The following LRRC9 variants were observed in gnomAD, a reference collection of about 807,000 sequenced individuals.
LRRC9 encodes the protein leucine-rich repeat-containing protein 9.
A neutral mutation model predicts 63.2 loss-of-function variants in LRRC9; 122 were observed. The ratio of observed to expected loss-of-function variants is 1.93; its 90% CI spans 1.67 to 2.24. The LOEUF (loss-of-function observed/expected upper bound fraction) is 2.24. LRRC9 is among the 30% of genes most tolerant of loss of function. LRRC9 has a pLI of 0.00. For synonymous variants in LRRC9, 366 were observed against 213.1 expected (o/e 1.72, Z -6.25); for missense variants, 1,071 against 627.7 (o/e 1.71, Z -7.55).
intron 20 of LRRC9, 39 bp downstream of exon 20, chr14:60,002,139 T>C: frequency 1.5e-6 from 1 of 668,970 alleles, no homozygotes; most frequent in East Asian, 2.7e-5. Context: ...TAAAGCTTAA[T>C]TTAAATCTAT....
At chr14:60,034,849 TTAGATACA>T (rs1425719874) in intron 29 of LRRC9, among the ~76,000 whole-genome samples, 2 of 152,198 alleles carry the variant, frequency 1.3e-5, no homozygotes, top group Non-Finnish European at 2.9e-5. Context: ...TTCCTTCCTT[TTAGATACA>T]TACCCAGTAG....
chr14:59,928,329 T>C (rs1346286582), exon 3 of LRRC9: 2 of 674,958 alleles, frequency 3.0e-6, no homozygotes. Context: ...ACATCAAAGT[T>C]GGAGATGTTT....
At chr14:59,965,409 T>A (rs1884728529) in intron 10 of LRRC9, among the ~76,000 whole-genome samples, 1 of 152,168 alleles carries the variant, frequency 6.6e-6, no homozygotes, top group South Asian at 2.1e-4. Context: ...TGGCTTTACT[T>A]GTTTAGGCTT....
intron 8 of LRRC9, among the ~76,000 whole-genome samples, chr14:59,946,761 G>C (rs1882468154): frequency 6.8e-6 from 1 of 147,400 alleles, no homozygotes; most frequent in Non-Finnish European, 1.5e-5. Flanking sequence ...GCGGTGTTTG[G>C]TTTTTTCTTC....
Position 60,003,791 on chromosome 14 carries a change from G to A in LRRC9, c.2835G>A (p.Lys945=), listed in dbSNP as rs1225223427. 1.6e-6 allele frequency: 1 copy of A among 607,796 alleles called. No individual in the cohort carries two copies. Among genetic ancestry groups the A allele is most frequent in the Admixed American group, 3.0e-5 (1 of 32,908 alleles). The allele number at this position is 607,796 out of a possible 1,614,324, so 37.7% of individuals were successfully genotyped here. A position where few individuals can be genotyped will look rare whatever the true frequency, so the allele number is the denominator to read the frequency against. The change falls in exon 21 of 32, where the codon AAG becomes AAA. Residue 945 remains lysine (K), a synonymous_variant. Coordinates refer to ENST00000445360, the Ensembl canonical transcript of LRRC9. This position sits in a 1 kb window ranked among gnomAD's most constrained non-coding sequence, Gnocchi z 4.2. ...CATTAGATGGAAACTGCATCTCAAA[G>A]ATAGAAGGTAAGGTACTTAAGAACT... is the stretch of plus-strand genomic sequence containing the variant.
chr14:59,978,110 T>C (rs1886510559), exon 15 of LRRC9: 1 of 702,156 alleles, frequency 1.4e-6, no homozygotes, highest in African/African-American at 1.7e-5. Context: ...GAATATGTTG[T>C]TGAATTTGAG....
chr14:59,977,337 A>G lies in LRRC9; in HGVS notation c.1752A>G (p.Lys584=), dbSNP rs1365639487. 4 of 688,122 alleles carry G rather than the reference A, an allele frequency of 5.8e-6. No homozygotes were observed. In the East Asian group the frequency reaches 1.1e-4, roughly 19 times the overall value. The allele number at this position is 688,122 out of a possible 1,614,324, so 42.6% of individuals were successfully genotyped here. A position where few individuals can be genotyped will look rare whatever the true frequency, so the allele number is the denominator to read the frequency against. ...TTAATTCAGTGTTCATTCCTCGGAAATATTTACTAAGTATGTCTATCATAA... is the reference window on the plus strand; with the variant it reads ...TTAATTCAGTGTTCATTCCTCGGAAGTATTTACTAAGTATGTCTATCATAA... The change falls in exon 14 of 32, where the codon AAA becomes AAG. Residue 584 remains lysine, a synonymous_variant. Transcript: ENST00000445360.
exon 23 of LRRC9, chr14:60,008,124 T>C: frequency 2.9e-6 from 2 of 701,488 alleles, no homozygotes; most frequent in Non-Finnish European, 5.2e-6. Context: ...TAGACATGTG[T>C]GGGAACATCA....
chr14:60,002,079 G>A, exon 20 of LRRC9: 1 of 699,822 alleles, frequency 1.4e-6, no homozygotes. Context: ...ATTTACATCT[G>A]AGTGGAAACT....
intron 12 of LRRC9, among the ~76,000 whole-genome samples, chr14:59,971,437 T>C (rs901002665): frequency 6.6e-6 from 1 of 152,152 alleles, no homozygotes; most frequent in South Asian, 2.1e-4. Flanking sequence ...CCATTTGAGT[T>C]GTAAAATAGT....
At chr14:60,009,658 A>C (rs955857582) in intron 23 of LRRC9, among the ~76,000 whole-genome samples, 2 of 152,192 alleles carry the variant, frequency 1.3e-5, no homozygotes, top group Admixed American at 6.5e-5. Flanking sequence ...AACTCAGTTC[A>C]GCATTAGTTC....
chr14:60,015,506 T>C (rs1217798306), intron 23 of LRRC9, among the ~76,000 whole-genome samples: 1 of 152,182 alleles, frequency 6.6e-6, no homozygotes, highest in Non-Finnish European at 1.5e-5. Context: ...TTGGCTTCTG[T>C]TGACAACCTG....
In LRRC9 at chr14:59,998,737, A is replaced by C. The variant is rs781540335; in HGVS notation, c.2404-364A>C. Among the ~76,000 whole-genome samples the C allele has an allele frequency of 6.6e-4, 101 of 152,074 alleles. 2 individuals are homozygous for C. Among genetic ancestry groups the C allele is most frequent in the Non-Finnish European group, 1.5e-4 (10 of 67,932 alleles). ...ACAGTACAGCTATCTCTCTGTTGCC[A>C]AATTGGATTGTCAAGGGCTAAAGAT... is the stretch of plus-strand genomic sequence containing the variant. On this transcript the variant is annotated intron_variant, in intron 18 of 31. Coordinates refer to ENST00000445360, the Ensembl canonical transcript of LRRC9.
At chr14:59,934,084 C>T (rs538545185) in intron 6 of LRRC9, among the ~76,000 whole-genome samples, 8 of 150,732 alleles carry the variant, frequency 5.3e-5, no homozygotes, top group Non-Finnish European at 8.8e-5. Flanking sequence ...TCAGGAGATT[C>T]CAGGAATAAT....
At chr14:60,043,244 G>A (rs1893108287) in intron 29 of LRRC9, among the ~76,000 whole-genome samples, 1 of 152,106 alleles carries the variant, frequency 6.6e-6, no homozygotes, top group Non-Finnish European at 1.5e-5. Context: ...CTGCAAACAA[G>A]GCTTATTTTG....
chr14:60,028,121 A>T lies in LRRC9; in HGVS notation c.3921+20A>T, dbSNP rs1891702673. 1.5e-6 allele frequency: 1 copy of T among 677,610 alleles called. No individual in the cohort carries two copies. Among genetic ancestry groups the T allele is most frequent in the Admixed American group, 2.3e-5 (1 of 44,248 alleles). 42.0% of individuals were successfully genotyped at this position (677,610 alleles called of 1,614,324 possible). ...ATCCAGGTAACATTATTATTTTTTT[A>T]TTATGGGATTTACAAGCTTTAGTTT... On this transcript the variant is annotated intron_variant, in intron 28 of 31. Coordinates refer to ENST00000445360, the Ensembl canonical transcript of LRRC9.
At chr14:59,998,989 T>A in intron 18 of LRRC9, 112 bp from the exon 19 acceptor site, 1 of 495,546 alleles carries the variant, frequency 2.0e-6, no homozygotes, top group Non-Finnish European at 3.6e-6. Context: ...GTATATGTAA[T>A]GAACAAGGAA....
chr14:60,044,552 TCA>T, intron 29 of LRRC9, among the ~76,000 whole-genome samples: 1 of 152,234 alleles, frequency 6.6e-6, no homozygotes, highest in South Asian at 2.1e-4. Flanking sequence ...GACCCACTGG[TCA>T]TTCAGGATCA....
intron 13 of LRRC9, among the ~76,000 whole-genome samples, chr14:59,976,995 T>A (rs1243388038): frequency 1.3e-5 from 2 of 152,206 alleles, no homozygotes; most frequent in Non-Finnish European, 2.9e-5. Flanking sequence ...TTGCTTGATA[T>A]AATCACACAA....
Sources: allele counts gnomAD v4.1 joint callset (sites outside exome capture counted in the v4.1 genomes callset), GRCh38; gene constraint gnomAD v4.1.1; non-coding constraint Gnocchi (gnomAD v3.1); transcripts MANE v1.5; gene names NCBI Gene and HGNC (gene_info 2026-07-23, HGNC 2026-07-21).